The following SORCS1 variants were observed in gnomAD, a reference collection of about 807,000 sequenced individuals.
SORCS1 encodes the protein VPS10 domain-containing receptor SorCS1.
SORCS1 carries 60 observed loss-of-function variants against 146.1 expected under a neutral mutation model. The ratio of observed to expected loss-of-function variants is 0.41; its 90% confidence interval spans 0.33 to 0.51. The LOEUF is 0.51. Among genes scored for constraint, SORCS1 ranks in the 20% least tolerant of loss-of-function variants. The pLI, the probability that SORCS1 is intolerant of heterozygous loss-of-function variation, is 0.21. For synonymous variants in SORCS1, 637 were observed against 584.0 expected (o/e 1.09, Z -1.31); for missense variants, 1,352 against 1,487.6 (o/e 0.91, Z 1.50).
chr10:106,782,309 C>T (rs75159564), intron 3 of SORCS1, among the ~76,000 whole-genome samples: 6 of 152,120 alleles, frequency 3.9e-5, no homozygotes, highest in Non-Finnish European at 8.8e-5. Flanking sequence ...TCTGTCGCCC[C>T]GGCTGGAGTG....
intron 2 of SORCS1, among the ~76,000 whole-genome samples, chr10:106,839,250 A>T (rs1948918956): frequency 6.6e-6 from 1 of 152,202 alleles, no homozygotes; most frequent in South Asian, 2.1e-4. Context: ...CTGTGACTGC[A>T]AAGAAAAAGT....
chr10:107,115,833 G>A (rs1966004798), intron 1 of SORCS1, among the ~76,000 whole-genome samples: 1 of 151,984 alleles, frequency 6.6e-6, no homozygotes, highest in Non-Finnish European at 1.5e-5. Context: ...GAGAGAGAAT[G>A]TTTGCAAGCT....
chr10:106,865,422 A>G (rs1241708697), intron 2 of SORCS1, among the ~76,000 whole-genome samples: 1 of 152,144 alleles, frequency 6.6e-6, no homozygotes, highest in Non-Finnish European at 1.5e-5. Flanking sequence ...CAGCAGCCCT[A>G]TTAAAAAGTG....
At position 106,709,295 on chromosome 10, in the gene SORCS1, G is replaced by C; in HGVS notation, c.1071C>G (p.Asn357Lys). ...TCRMQNCTEA[N>K]RNQPFPGYID... ...TGTAGCCTGGAAAAGGCTGATTCCTGTTGGCCTCTGTACAGTTCTGCATTC... is the reference window on the plus strand; with the variant it reads ...TGTAGCCTGGAAAAGGCTGATTCCTCTTGGCCTCTGTACAGTTCTGCATTC... Residue 357 changes from asparagine to lysine, a missense_variant, in exon 7 of 26, where the codon AAC (asparagine) becomes AAG (lysine). By Grantham distance (94) the Asn-to-Lys change is moderately conservative (BLOSUM62 0). Around this residue, in one of 3 missense-constraint regions of SORCS1, gnomAD observed 490 missense variants for 489.1 expected, o/e 1.00. Transcript: ENST00000263054. 6.2e-7 allele frequency: 1 copy of C among 1,613,852 alleles called. No homozygotes were observed. The highest frequency in any genetic ancestry group is 8.5e-7 in the Non-Finnish European group (1 of 1,179,876).
At chr10:106,986,134 G>C (rs1312016245) in intron 1 of SORCS1, among the ~76,000 whole-genome samples, 1 of 151,794 alleles carries the variant, frequency 6.6e-6, no homozygotes, top group Non-Finnish European at 1.5e-5. Flanking sequence ...GCTAAATGTG[G>C]GTTCCTGTAT....
intron 8 of SORCS1, among the ~76,000 whole-genome samples, chr10:106,701,626 T>G (rs192483927): frequency 6.6e-6 from 1 of 152,146 alleles, no homozygotes; most frequent in African/African-American, 2.4e-5. Flanking sequence ...CCTGTGACAT[T>G]TTTTTGGTCC....
At chr10:106,669,582 T>A (rs959019092) in intron 16 of SORCS1, among the ~76,000 whole-genome samples, 1 of 152,232 alleles carries the variant, frequency 6.6e-6, no homozygotes, top group African/African-American at 2.4e-5. Flanking sequence ...TGAATGCATT[T>A]CAGGATGTTA....
Position 107,031,806 on chromosome 10 carries a change from C to T in SORCS1, c.559-75226G>A, listed in dbSNP as rs1413186527. 2.6e-5 allele frequency among the ~76,000 whole-genome samples: 4 copies of T among 152,170 alleles called. No homozygotes were observed. In the East Asian group the frequency reaches 7.7e-4, roughly 29 times the overall value. ...ATCCTCTCTGAGCTTACCTCTCTAA[C>T]ACTTCAAACCATATTTGTGTTCCAC... On this transcript the variant is annotated intron_variant, in intron 1 of 25. Transcript: ENST00000263054.
intron 1 of SORCS1, among the ~76,000 whole-genome samples, chr10:107,110,658 A>T (rs1385193411): frequency 6.8e-6 from 1 of 147,780 alleles, no homozygotes; most frequent in Non-Finnish European, 1.5e-5. Context: ...TGGGGATTAC[A>T]ATTCAACGTG....
rs546072580 is a variant in SORCS1, at chr10:106,893,403, T to C, written c.626+63110A>G. 3.0e-4 allele frequency among the ~76,000 whole-genome samples: 45 copies of C among 152,354 alleles called. No individual in the cohort carries two copies. In the South Asian group the frequency reaches 5.6e-3, roughly 19 times the overall value. The stretch of plus-strand genomic sequence containing the variant: ...TTAACTATATTTATTTTTTATTCTT[T>C]TTTCCTTATTAGCCTATAAGCTCTC... On this transcript the variant is annotated intron_variant, in intron 2 of 25. Transcript: ENST00000263054.
intron 1 of SORCS1, among the ~76,000 whole-genome samples, chr10:107,005,268 G>A (rs1440357833): frequency 6.7e-6 from 1 of 150,044 alleles, no homozygotes; most frequent in Non-Finnish European, 1.5e-5. Flanking sequence ...AAGCTGCAGT[G>A]AGCTATGATT....
chr10:107,023,018 C>G (rs1034866571), intron 1 of SORCS1, among the ~76,000 whole-genome samples: 3 of 152,154 alleles, frequency 2.0e-5, no homozygotes, highest in Admixed American at 6.6e-5. Context: ...GACACATGTT[C>G]AGAGACGATA....
intron 3 of SORCS1, among the ~76,000 whole-genome samples, chr10:106,811,417 C>G (rs1392595960): frequency 6.6e-6 from 1 of 152,154 alleles, no homozygotes; most frequent in Non-Finnish European, 1.5e-5. Context: ...AAGTGTAGTA[C>G]TTGGTCTACG....
chr10:107,022,251 A>C (rs1277184003), intron 1 of SORCS1, among the ~76,000 whole-genome samples: 2 of 152,140 alleles, frequency 1.3e-5, no homozygotes, highest in Non-Finnish European at 2.9e-5. Context: ...AACTCTGGTG[A>C]AGGCCGGGTT....
At chr10:106,798,360 A>G (rs1295389458) in intron 3 of SORCS1, among the ~76,000 whole-genome samples, 2 of 152,184 alleles carry the variant, frequency 1.3e-5, no homozygotes, top group East Asian at 3.9e-4. Context: ...ACATATGTAT[A>G]CATGTGTCAT....
chr10:107,111,824 A>C (rs1965720887), intron 1 of SORCS1, among the ~76,000 whole-genome samples: 1 of 152,218 alleles, frequency 6.6e-6, no homozygotes, highest in South Asian at 2.1e-4. Context: ...TGAAAGCAGC[A>C]AGAGAAAAGA....
chr10:106,799,261 T>G (rs1946746765), intron 3 of SORCS1, among the ~76,000 whole-genome samples: 1 of 152,158 alleles, frequency 6.6e-6, no homozygotes, highest in South Asian at 2.1e-4. Context: ...ATGTCAGACC[T>G]AAAACCATAA....
At chr10:106,630,634 C>T (rs889059354) in intron 18 of SORCS1, among the ~76,000 whole-genome samples, 2 of 152,176 alleles carry the variant, frequency 1.3e-5, no homozygotes, top group African/African-American at 4.8e-5. Context: ...TATAATAATA[C>T]CTTCCTGTCT....
intron 14 of SORCS1, 137 bp downstream of exon 14, chr10:106,674,912 A>G (rs970188812): frequency 1.8e-6 from 1 of 561,984 alleles, no homozygotes; most frequent in East Asian, 3.0e-5. Context: ...TTTCTTCCCT[A>G]TTTGCTGTAC....
Sources: gnomAD v4.1 joint callset for allele counts (sites outside exome capture counted in the v4.1 genomes callset) on GRCh38, gnomAD v4.1.1 for gene constraint, gnomAD v4.1.1 regional missense constraint, MANE v1.5 for transcripts, NCBI Gene and HGNC (gene_info 2026-07-23, HGNC 2026-07-21) for gene names.